The following RNF214 variants were observed in gnomAD, a reference collection of about 807,000 sequenced individuals.
RNF214 encodes ring finger protein 214.
In RNF214, 25 loss-of-function variants were observed where a neutral mutation model predicts 75.9. The observed-to-expected ratio is 0.33, with a 90% CI of 0.24 to 0.46. The LOEUF is 0.46. Ranked by LOEUF, RNF214 falls within the 20% of genes least tolerant of loss-of-function variation. RNF214 has a pLI of 1.00. For missense variants in RNF214, 725 were observed against 857.5 expected (o/e 0.85, Z 1.93); for synonymous variants, 314 against 308.8 (o/e 1.02, Z -0.18).
In RNF214 at chr11:117,270,249, T is replaced by C. The variant is rs1242808696; in HGVS notation, c.960-9659T>C. Among the ~76,000 whole-genome samples, 6 of 102,860 alleles carry C rather than the reference T, an allele frequency of 5.8e-5. No individual in the cohort carries two copies. The East Asian group carries it at 6.3e-4, about 11-fold the overall frequency. 67.5% of individuals were successfully genotyped at this position (102,860 alleles called of 152,430 possible). The stretch of plus-strand genomic sequence containing the variant: ...TTCTTTTCTTTTCTTTTCTTTTTTT[T>C]TTTTTTTTTTTTTTTTTTGAGTCAG... On this transcript the variant is annotated intron_variant, in intron 6 of 14. Coordinates refer to ENST00000300650, the MANE Select transcript of RNF214 (RefSeq NM_207343.4).
rs561518296 is a variant in RNF214, at chr11:117,235,651, C to T, written c.107+1272C>T. ...CCTCCCAAGTAGCTAGGATTACAGC[C>T]GCCCAGCACCACGCCTGGCTAATTT... is the stretch of plus-strand genomic sequence containing the variant. On this transcript the variant is annotated intron_variant, in intron 2 of 14. Transcript: ENST00000300650. Among the ~76,000 whole-genome samples the T allele has an allele frequency of 3.4e-4, 52 of 152,118 alleles. No individual in the cohort carries two copies. The Middle Eastern group carries it at 0.014, about 40-fold the overall frequency.
At chr11:117,274,793 G>C (rs988060954) in intron 6 of RNF214, among the ~76,000 whole-genome samples, 2 of 151,064 alleles carry the variant, frequency 1.3e-5, no homozygotes, top group Admixed American at 1.3e-4. Flanking sequence ...TTCTGCCTTA[G>C]CCTCCCAAGT....
chr11:117,254,085 C>G (rs1278283402), intron 6 of RNF214, among the ~76,000 whole-genome samples: 1 of 151,998 alleles, frequency 6.6e-6, no homozygotes, highest in Non-Finnish European at 1.5e-5. Flanking sequence ...GAAACCCCAT[C>G]TGTACTTAAA....
chr11:117,244,340 G>C (rs1021714873), intron 4 of RNF214, 105 bp from the exon 5 acceptor site: 5 of 835,374 alleles, frequency 6.0e-6, no homozygotes, highest in Non-Finnish European at 9.6e-6. Flanking sequence ...CTTCATTATT[G>C]GATAGTGCGG....
At chr11:117,251,028 A>G (rs1459029654) in intron 6 of RNF214, among the ~76,000 whole-genome samples, 1 of 149,236 alleles carries the variant, frequency 6.7e-6, no homozygotes, top group East Asian at 2.0e-4. Context: ...CTACACAGAC[A>G]CGGCAACCAT....
At chr11:117,238,424 A>G (rs1004374493) in intron 2 of RNF214, among the ~76,000 whole-genome samples, 177 bp from the exon 3 acceptor site, 1 of 152,196 alleles carries the variant, frequency 6.6e-6, no homozygotes, top group Non-Finnish European at 1.5e-5. Flanking sequence ...ACCAAAAACA[A>G]AAAACTAGGT....
intron 5 of RNF214, among the ~76,000 whole-genome samples, chr11:117,245,597 C>G (rs1207922663): frequency 6.6e-6 from 1 of 152,034 alleles, no homozygotes; most frequent in Non-Finnish European, 1.5e-5. Flanking sequence ...CTGCCTCGGC[C>G]CCCCAAAGTG....
chr11:117,280,532 C>T (rs972764511), intron 8 of RNF214, among the ~76,000 whole-genome samples: 3 of 152,062 alleles, frequency 2.0e-5, no homozygotes, highest in East Asian at 3.8e-4. Flanking sequence ...TAAAGCCAGA[C>T]GTAATAGCAT....
At chr11:117,261,750 A>G (rs555088638) in intron 6 of RNF214, among the ~76,000 whole-genome samples, 2 of 151,036 alleles carry the variant, frequency 1.3e-5, no homozygotes, top group South Asian at 2.1e-4. Context: ...GGTTCAAGCA[A>G]TTTTCCTGCC....
chr11:117,268,040 G>A (rs1243763702), intron 6 of RNF214, among the ~76,000 whole-genome samples: 1 of 152,186 alleles, frequency 6.6e-6, no homozygotes, highest in Non-Finnish European at 1.5e-5. Context: ...AGGTAGCCAA[G>A]CCAAGGTAAC....
intron 14 of RNF214, among the ~76,000 whole-genome samples, chr11:117,284,631 T>C (rs2034206734): frequency 6.6e-6 from 1 of 152,068 alleles, no homozygotes; most frequent in African/African-American, 2.4e-5. Flanking sequence ...TAAGAGCCAT[T>C]GAATAGCCCT....
rs1181918654 is a variant in RNF214 at position 117,262,925 on chromosome 11, GCCTCGTGAGAA to G, written c.959+15978_959+15988del. On this transcript the variant is annotated intron_variant, in intron 6 of 14. Coordinates refer to ENST00000300650, the MANE Select transcript of RNF214 (RefSeq NM_207343.4). Reference sequence around the variant, plus strand: ...GGGTTCACACAATTCTCCCACCTCAGCCTCGTGAGAAGCTGTGACTACAGCTGTGCACTACC... The same window carrying G: ...GGGTTCACACAATTCTCCCACCTCAGGCTGTGACTACAGCTGTGCACTACC... Among the ~76,000 whole-genome samples the G allele has an allele frequency of 2.6e-5, 4 of 151,990 alleles. No homozygotes were observed. The East Asian group carries it at 7.7e-4, about 29-fold the overall frequency.
At position 117,279,954 on chromosome 11, in the gene RNF214, G is replaced by A. The variant is rs377377564; in HGVS notation, c.1006G>A (p.Glu336Lys). 1.1e-4 allele frequency: 170 copies of A among 1,613,550 alleles called. No individual in the cohort carries two copies. Among genetic ancestry groups the A allele is most frequent in the South Asian group, 2.3e-4 (21 of 90,806 alleles). The change falls in exon 7 of 15, where the codon GAA becomes AAA. Residue 336 changes from glutamate to lysine, a missense_variant. Glu to Lys is a moderately conservative substitution (Grantham distance 56, BLOSUM62 1). Coordinates refer to ENST00000300650, the MANE Select transcript of RNF214 (RefSeq NM_207343.4). ...GGATAGACTCAAGAATCAGGATGGC[G>A]AAATAAATAGGAACATTATGGAAGA... ...ELDRLKNQDGEINRNIMEETE... is the reference protein window; with the variant it reads ...ELDRLKNQDGKINRNIMEETE...
At chr11:117,247,609 T>A (rs1234086990) in intron 6 of RNF214, among the ~76,000 whole-genome samples, 1 of 151,918 alleles carries the variant, frequency 6.6e-6, no homozygotes, top group Admixed American at 6.6e-5. Flanking sequence ...TCCCAGCACC[T>A]TGGGAGGCCG....
At position 117,272,657 on chromosome 11, in the gene RNF214, A is replaced by G. The variant is rs180690295; in HGVS notation, c.960-7251A>G. On this transcript the variant is annotated intron_variant, in intron 6 of 14. Transcript: ENST00000300650. ...AAAGAAATGGCTTTCCTGGTAGGCA[A>G]TTGTCAAGGAATGAAGTTTAGGAGG... Among the ~76,000 whole-genome samples, 355 of 151,970 alleles carry G rather than the reference A, an allele frequency of 2.3e-3. 3 individuals are homozygous for G. Among genetic ancestry groups the G allele is most frequent in the Non-Finnish European group, 3.1e-3 (212 of 67,978 alleles).
At chr11:117,281,866 C>T (rs747121477) in intron 10 of RNF214, 28 bp from the exon 11 acceptor site, 12 of 1,603,326 alleles carry the variant, frequency 7.5e-6, no homozygotes, top group Non-Finnish European at 9.4e-6. Context: ...TCCTTTCTCT[C>T]TCGTCCTCTA....
chr11:117,246,392 C>T (rs569917195), intron 5 of RNF214, among the ~76,000 whole-genome samples: 5 of 151,904 alleles, frequency 3.3e-5, no homozygotes, highest in African/African-American at 9.7e-5. Context: ...AAAACCCATA[C>T]ATAATAAAGT....
intron 6 of RNF214, among the ~76,000 whole-genome samples, chr11:117,248,734 A>G (rs2033295274): frequency 1.3e-5 from 2 of 152,198 alleles, no homozygotes; most frequent in African/African-American, 4.8e-5. Context: ...TATCCCAGCC[A>G]CTGTTAGTGA....
At position 117,237,453 on chromosome 11, in the gene RNF214, C is replaced by T. The variant is rs190183952; in HGVS notation, c.108-1148C>T. 9.2e-5 allele frequency among the ~76,000 whole-genome samples: 14 copies of T among 152,268 alleles called. No homozygotes were observed. The East Asian group carries it at 2.3e-3, about 25-fold the overall frequency. ...ACAAAGACGCATCAACTTGAATCCC[C>T]ATTGCTAGTTGGGTATGGTTAAGAG... On this transcript the variant is annotated intron_variant, in intron 2 of 14. Transcript: ENST00000300650.
Sources: allele counts gnomAD v4.1 joint callset (sites outside exome capture counted in the v4.1 genomes callset), GRCh38; gene constraint gnomAD v4.1.1; transcripts MANE v1.5; gene names NCBI Gene and HGNC (gene_info 2026-07-23, HGNC 2026-07-21).